The following SESN1 variants were observed in gnomAD, a reference collection of about 807,000 sequenced individuals.
SESN1 encodes sestrin 1, also known as sestrin-1.
In SESN1, 30 loss-of-function variants were observed where a neutral mutation model predicts 59.3. The observed-to-expected ratio is 0.51, with a 90% CI of 0.38 to 0.69. SESN1 has a LOEUF of 0.69. Ranked by LOEUF, SESN1 falls within the 30% of genes least tolerant of loss-of-function variation. The probability of loss-of-function intolerance (pLI) is 0.00; values close to 1 mark genes in which losing one functional copy is unlikely to be tolerated. For missense variants in SESN1, 566 were observed against 673.0 expected (o/e 0.84, Z 1.76); for synonymous variants, 197 against 219.9 (o/e 0.90, Z 0.92).
In SESN1 at chr6:108,994,763, C is replaced by T. The variant is rs956434916; in HGVS notation, c.973-154G>A. ...TGTTGCCCAGGCTGCAGTGCAGTGG[C>T]GCGATCTCGGCTCACTGCAAGGTCC... On this transcript the variant is annotated intron_variant, in intron 5 of 9. Transcript: ENST00000436639. 3.6e-5 allele frequency among the ~76,000 whole-genome samples: 5 copies of T among 137,524 alleles called. No homozygotes were observed. In the Admixed American group the frequency reaches 4.0e-4, roughly 11 times the overall value. 90.2% of individuals were successfully genotyped at this position (137,524 alleles called of 152,430 possible).
chr6:109,051,507 C>T (rs1780541322), intron 1 of SESN1, among the ~76,000 whole-genome samples: 1 of 152,026 alleles, frequency 6.6e-6, no homozygotes, highest in South Asian at 2.1e-4. Context: ...CTCTTATTAC[C>T]TTTTTGCTTA....
At chr6:109,080,342 T>A (rs1412786170) in intron 1 of SESN1, among the ~76,000 whole-genome samples, 1 of 152,192 alleles carries the variant, frequency 6.6e-6, no homozygotes, top group Non-Finnish European at 1.5e-5. Context: ...AATTTTCTTT[T>A]AGGTAGTGCA....
chr6:109,061,000 T>C (rs1013269303), intron 1 of SESN1, among the ~76,000 whole-genome samples: 1 of 152,216 alleles, frequency 6.6e-6, no homozygotes, highest in Non-Finnish European at 1.5e-5. Flanking sequence ...TCAATACATG[T>C]ATATGAACCC....
chr6:109,027,534 A>AT (rs1780116221), intron 1 of SESN1, among the ~76,000 whole-genome samples: 2 of 151,134 alleles, frequency 1.3e-5, no homozygotes. Flanking sequence ...AGCATTGTCA[A>AT]TTTAAAACAT....
chr6:109,041,399 A>G (rs1042230088), intron 1 of SESN1, among the ~76,000 whole-genome samples: 1 of 152,226 alleles, frequency 6.6e-6, no homozygotes, highest in Non-Finnish European at 1.5e-5. Context: ...ACAACTCAGT[A>G]AATCTACCAA....
intron 1 of SESN1, among the ~76,000 whole-genome samples, chr6:109,058,399 G>A (rs1780671829): frequency 1.3e-5 from 2 of 152,156 alleles, no homozygotes; most frequent in South Asian, 4.1e-4. Context: ...AGGAACACTA[G>A]GTTATACCAT....
chr6:109,082,908 T>C (rs1442000939), intron 1 of SESN1, among the ~76,000 whole-genome samples: 2 of 152,210 alleles, frequency 1.3e-5, no homozygotes, highest in Non-Finnish European at 1.5e-5. Flanking sequence ...AAATGCATCA[T>C]TATCATCACC....
chr6:109,003,757 A>G (rs1211798002), intron 1 of SESN1, among the ~76,000 whole-genome samples: 1 of 152,204 alleles, frequency 6.6e-6, no homozygotes, highest in East Asian at 1.9e-4. Context: ...CTGTTATTCA[A>G]TATATAATTT....
chr6:108,988,627 A>T lies in SESN1; in HGVS notation c.1485T>A (p.Tyr495Ter). 1.2e-6 allele frequency: 2 copies of T among 1,612,870 alleles called. No homozygotes were observed. ...CAGGAGTGCAAACAACAGTTTTGAT[A>T]TAAACTTTAAAGCTACGATCCAATA... is the stretch of plus-strand genomic sequence containing the variant. ...NQLLDRSFKV[Y>*]IKTVVCTPEK... Residue 495 changes from tyrosine (Y) to a stop codon, truncating the protein, a stop_gained, in exon 9 of 10, where the codon TAT becomes TAA. Coordinates refer to ENST00000436639, the MANE Select transcript of SESN1 (RefSeq NM_014454.3). LOFTEE classifies it high-confidence loss of function.
intron 1 of SESN1, among the ~76,000 whole-genome samples, chr6:109,034,604 C>T (rs151315328): frequency 6.6e-6 from 1 of 152,288 alleles, no homozygotes; most frequent in Non-Finnish European, 1.5e-5. Context: ...AGAATGAAGA[C>T]CATATTATCC....
intron 1 of SESN1, among the ~76,000 whole-genome samples, chr6:109,064,687 G>GGAGA (rs138391680): frequency 1.2e-5 from 1 of 83,280 alleles, no homozygotes; most frequent in South Asian, 6.7e-4. Flanking sequence ...AGAGTGGGTG[G>GGAGA]GAGAGAGAGA....
Position 109,001,291 on chromosome 6 carries a change from T to A in SESN1, c.543A>T (p.Ile181=). ...LPLHYRHYIG[I]MAAARHQCSY... ...TTTTCACTGAATGTTTACAAACCAT[T>A]ATTCCAATGTAGTGACGATAATGTA... The change falls in exon 3 of 10, where the codon ATA becomes ATT. Residue 181 remains isoleucine, a synonymous_variant. Transcript: ENST00000436639. 6.2e-7 allele frequency: 1 copy of A among 1,612,962 alleles called. No individual in the cohort carries two copies. The highest frequency in any genetic ancestry group is 8.5e-7 in the Non-Finnish European group (1 of 1,179,270).
chr6:109,055,098 C>T (rs1780607389), intron 1 of SESN1, among the ~76,000 whole-genome samples: 1 of 152,138 alleles, frequency 6.6e-6, no homozygotes, highest in Admixed American at 6.6e-5. Context: ...AGGTTCTAAT[C>T]CTCACCTCTA....
intron 7 of SESN1, 55 bp downstream of exon 7, chr6:108,992,732 T>C: frequency 8.8e-7 from 1 of 1,132,084 alleles, no homozygotes; most frequent in Admixed American, 1.7e-5. Flanking sequence ...TTTTGTATTT[T>C]AAGTCAGACT....
At position 109,094,226 on chromosome 6, in the gene SESN1, GC is replaced by G; in HGVS notation, c.-154del. 1.3e-6 allele frequency: 1 copy of G among 767,120 alleles called. No homozygotes were observed. The highest frequency in any genetic ancestry group is 2.1e-6 in the Non-Finnish European group (1 of 485,720). 47.5% of individuals were successfully genotyped at this position (767,120 alleles called of 1,614,324 possible). On this transcript the variant is annotated 5_prime_UTR_variant, in exon 1 of 10. Coordinates refer to ENST00000436639, the MANE Select transcript of SESN1 (RefSeq NM_014454.3). ...CTGGGTGACATTTGGAACCACTGGT[GC>G]CTTCAGCCGATCTACAAGCTAGGTC... is the stretch of plus-strand genomic sequence containing the variant.
intron 1 of SESN1, among the ~76,000 whole-genome samples, chr6:109,045,537 G>A (rs76249006): frequency 0.11 from 16,389 of 152,172 alleles, 1,014 homozygotes; most frequent in Middle Eastern, 0.19. Flanking sequence ...TTCAAACACA[G>A]TAAATCTCAT....
chr6:109,062,315 C>A (rs970647108), intron 1 of SESN1, among the ~76,000 whole-genome samples: 3 of 152,216 alleles, frequency 2.0e-5, no homozygotes, highest in Non-Finnish European at 4.4e-5. Flanking sequence ...ATGTCAAAGG[C>A]TTTTGAGCAA....
intron 1 of SESN1, among the ~76,000 whole-genome samples, chr6:109,022,188 G>A (rs1326001110): frequency 1.3e-5 from 2 of 152,018 alleles, no homozygotes; most frequent in Non-Finnish European, 2.9e-5. Context: ...CTGGACTGAG[G>A]AATGAAGAAT....
At chr6:109,077,045 C>A (rs1013946988) in intron 1 of SESN1, among the ~76,000 whole-genome samples, 1 of 152,132 alleles carries the variant, frequency 6.6e-6, no homozygotes, top group Non-Finnish European at 1.5e-5. Context: ...ATATTGTAGG[C>A]AGTTCTAACA....
Sources: gnomAD v4.1 joint callset for allele counts (sites outside exome capture counted in the v4.1 genomes callset) on GRCh38, gnomAD v4.1.1 for gene constraint, MANE v1.5 for transcripts, NCBI Gene and HGNC (gene_info 2026-07-23, HGNC 2026-07-21) for gene names.